Variants in NR5A2 observed in about 807,000 individuals in gnomAD.
NR5A2 encodes the protein nuclear receptor subfamily 5 group A member 2, also known as CYP7A promoter-binding factor.
A neutral mutation model predicts 62.7 loss-of-function variants in NR5A2; 26 were observed. That is an observed-to-expected ratio of 0.41 (90% CI 0.30 to 0.58). The LOEUF (loss-of-function observed/expected upper bound fraction) is 0.58, where lower values mean the gene tolerates loss of function less well. Among genes scored for constraint, NR5A2 ranks in the 20% least tolerant of loss-of-function variants. NR5A2 has a pLI of 0.22. For missense variants in NR5A2, 541 were observed against 669.1 expected, an observed-to-expected ratio of 0.81 and a Z score of 2.11; for synonymous variants, 246 against 241.7, an observed-to-expected ratio of 1.02 and a Z score of -0.16.
intron 7 of NR5A2, among the ~76,000 whole-genome samples, chr1:200,172,690 A>G (rs2102398754): frequency 6.6e-6 from 1 of 152,364 alleles, no homozygotes; most frequent in South Asian, 2.1e-4. Context: ...ATGACAGCCC[A>G]GTGTAAAGCC....
At chr1:200,098,254 G>GT (rs1436409513) in intron 5 of NR5A2, among the ~76,000 whole-genome samples, 6 of 152,060 alleles carry the variant, frequency 3.9e-5, no homozygotes, top group African/African-American at 1.4e-4. Flanking sequence ...ACTTTCTCTT[G>GT]TTTTTCCCCC....
intron 5 of NR5A2, among the ~76,000 whole-genome samples, chr1:200,105,163 T>G (rs1156553927): frequency 3.3e-5 from 5 of 152,146 alleles, no homozygotes; most frequent in Non-Finnish European, 5.9e-5. Context: ...TCTTACTATG[T>G]TGCCCAGGTT....
chr1:200,149,373 T>C (rs1455664924), intron 7 of NR5A2, among the ~76,000 whole-genome samples: 1 of 152,226 alleles, frequency 6.6e-6, no homozygotes, highest in African/African-American at 2.4e-5. Context: ...TCACCGTGTA[T>C]CTTCTGCACT....
chr1:200,080,460 A>G (rs1664241524), intron 5 of NR5A2, among the ~76,000 whole-genome samples: 1 of 152,178 alleles, frequency 6.6e-6, no homozygotes, highest in South Asian at 2.1e-4. Flanking sequence ...TTGATTTTAT[A>G]GTTCCTGGTA....
chr1:200,069,649 G>A (rs1278272969), intron 5 of NR5A2, among the ~76,000 whole-genome samples: 1 of 152,164 alleles, frequency 6.6e-6, no homozygotes, highest in Non-Finnish European at 1.5e-5. Context: ...CCTATGGTAA[G>A]ATTATAAAGT....
chr1:200,167,084 T>C (rs2102389510), intron 7 of NR5A2, among the ~76,000 whole-genome samples: 1 of 152,160 alleles, frequency 6.6e-6, no homozygotes, highest in East Asian at 1.9e-4. Context: ...TCTCACTAAC[T>C]CCTGGGATTT....
At position 200,175,429 on chromosome 1, in the gene NR5A2, A is replaced by G. The variant is rs1160136297; in HGVS notation, c.*1219A>G. ...TACTGACCTTTTTAAGTCATAGACC[A>G]AAGTCTGCTGTAGAACAAATATGGG... is the stretch of plus-strand genomic sequence containing the variant. On this transcript the variant is annotated 3_prime_UTR_variant, in exon 8 of 8. Coordinates refer to ENST00000367362, the MANE Select transcript of NR5A2 (RefSeq NM_205860.3). 1 of 152,692 alleles carries G rather than the reference A, an allele frequency of 6.5e-6. No homozygotes were observed. Among genetic ancestry groups the G allele is most frequent in the Non-Finnish European group, 1.5e-5 (1 of 68,048 alleles). 9.5% of individuals were successfully genotyped at this position (152,692 alleles called of 1,614,324 possible). A position where few individuals can be genotyped will look rare whatever the true frequency, so the allele number is the denominator to read the frequency against.
chr1:200,031,511 T>A (rs1661545472), intron 1 of NR5A2, among the ~76,000 whole-genome samples: 1 of 149,504 alleles, frequency 6.7e-6, no homozygotes, highest in African/African-American at 2.4e-5. Context: ...TGAGACCCTA[T>A]CTCAAAAAAA....
intron 5 of NR5A2, among the ~76,000 whole-genome samples, chr1:200,086,660 A>G (rs1664542878): frequency 6.6e-6 from 1 of 152,200 alleles, no homozygotes; most frequent in Non-Finnish European, 1.5e-5. Flanking sequence ...CGATATGTTG[A>G]GTGCAGTGAT....
chr1:200,052,980 CCA>C (rs1662727794), intron 5 of NR5A2, among the ~76,000 whole-genome samples: 1 of 152,130 alleles, frequency 6.6e-6, no homozygotes, highest in Non-Finnish European at 1.5e-5. Context: ...ACACTCTCTA[CCA>C]CATAGGAAAA....
intron 7 of NR5A2, among the ~76,000 whole-genome samples, chr1:200,168,150 A>T (rs1036687514): frequency 1.3e-5 from 2 of 152,120 alleles, no homozygotes; most frequent in Admixed American, 6.6e-5. Context: ...ACAAAGCACC[A>T]ATCAGTTGTA....
At position 200,088,316 on chromosome 1, in the gene NR5A2, C is replaced by T. The variant is rs373444417; in HGVS notation, c.1111-22886C>T. On this transcript the variant is annotated intron_variant, in intron 5 of 7. Coordinates refer to ENST00000367362, the MANE Select transcript of NR5A2 (RefSeq NM_205860.3). Reference sequence around the variant, plus strand: ...CTTGTTGCCCAGGCTGGAGTGCAGTCGCGCGATCCTGGCTCACTGCAACCT... The same window carrying T: ...CTTGTTGCCCAGGCTGGAGTGCAGTTGCGCGATCCTGGCTCACTGCAACCT... Among the ~76,000 whole-genome samples, 11 of 151,860 alleles carry T rather than the reference C, an allele frequency of 7.2e-5. 2 individuals are homozygous for T. Among genetic ancestry groups the T allele is most frequent in the South Asian group, 2.1e-4 (1 of 4,786 alleles).
intron 7 of NR5A2, among the ~76,000 whole-genome samples, chr1:200,137,473 T>C (rs1667275954): frequency 6.6e-6 from 1 of 152,142 alleles, no homozygotes; most frequent in African/African-American, 2.4e-5. Flanking sequence ...GCCCAGATTT[T>C]ACTTTTAATA....
At chr1:200,127,974 T>C (rs1666803222) in intron 7 of NR5A2, among the ~76,000 whole-genome samples, 1 of 151,586 alleles carries the variant, frequency 6.6e-6, no homozygotes, top group Non-Finnish European at 1.5e-5. Flanking sequence ...TGGACAAAAA[T>C]AAAAGCAATA....
At chr1:200,100,969 C>T (rs1351278168) in intron 5 of NR5A2, among the ~76,000 whole-genome samples, 1 of 152,200 alleles carries the variant, frequency 6.6e-6, no homozygotes, top group African/African-American at 2.4e-5. Context: ...TTGGCTTTGA[C>T]TTATTTTCCT....
chr1:200,043,980 C>T, intron 3 of NR5A2, 88 bp downstream of exon 3: 3 of 810,396 alleles, frequency 3.7e-6, no homozygotes, highest in Non-Finnish European at 6.1e-6. Context: ...AATTTAGGCT[C>T]CTTTTTTAAA....
intron 1 of NR5A2, among the ~76,000 whole-genome samples, chr1:200,035,001 A>G (rs1368658624): frequency 6.6e-6 from 1 of 152,034 alleles, no homozygotes; most frequent in Non-Finnish European, 1.5e-5. Flanking sequence ...GAGCCAGGGA[A>G]TGAAACTGGA....
intron 5 of NR5A2, among the ~76,000 whole-genome samples, chr1:200,104,874 G>T (rs1202931012): frequency 6.6e-6 from 1 of 152,176 alleles, no homozygotes; most frequent in Admixed American, 6.5e-5. Context: ...TGTTGGCCAG[G>T]CTGGTCTCGA....
chr1:200,073,092 T>G (rs1283246729), intron 5 of NR5A2, among the ~76,000 whole-genome samples: 1 of 151,964 alleles, frequency 6.6e-6, no homozygotes, highest in African/African-American at 2.4e-5. Context: ...TGGTTACTAT[T>G]AGTTTGCATC....
Sources: gnomAD v4.1 joint callset for allele counts (sites outside exome capture counted in the v4.1 genomes callset) on GRCh38, gnomAD v4.1.1 for gene constraint, MANE v1.5 for transcripts, NCBI Gene and HGNC (gene_info 2026-07-23, HGNC 2026-07-21) for gene names.